S100Z: variants seen among roughly 807,000 people sequenced by gnomAD.
S100Z encodes the protein S100 calcium binding protein Z.
A neutral mutation model predicts 8.5 loss-of-function variants in S100Z; 11 were observed. The observed-to-expected ratio is 1.30, with a 90% CI of 0.82 to 2.15. The LOEUF (loss-of-function observed/expected upper bound fraction) is 2.15, where lower values mean the gene tolerates loss of function less well. Among genes scored for constraint, S100Z ranks in the 30% most tolerant of loss-of-function variants. S100Z has a pLI of 0.00. For missense variants in S100Z, 126 were observed against 117.9 expected (o/e 1.07, Z -0.32); for synonymous variants, 34 against 43.8 (o/e 0.78, Z 0.89).
At chr5:76,892,460 T>C (rs898601493) in intron 4 of S100Z, among the ~76,000 whole-genome samples, 1 of 152,164 alleles carries the variant, frequency 6.6e-6, no homozygotes, top group Non-Finnish European at 1.5e-5. Context: ...AGAACATTTA[T>C]TATGATGGTG....
intron 1 of S100Z, among the ~76,000 whole-genome samples, chr5:76,852,866 T>C (rs1382541601): frequency 6.6e-6 from 1 of 152,224 alleles, no homozygotes; most frequent in Non-Finnish European, 1.5e-5. Context: ...AAAAAGAGGA[T>C]ACATTATCTG....
intron 4 of S100Z, among the ~76,000 whole-genome samples, chr5:76,914,626 G>A (rs1027289638): frequency 1.3e-5 from 2 of 152,060 alleles, no homozygotes; most frequent in Non-Finnish European, 2.9e-5. Flanking sequence ...AAGGTCTGCA[G>A]CTTCACTCCT....
chr5:76,893,380 C>CA (rs1743932236), intron 4 of S100Z, among the ~76,000 whole-genome samples: 1 of 151,992 alleles, frequency 6.6e-6, no homozygotes, highest in Admixed American at 6.6e-5. Flanking sequence ...CTCCACTCTA[C>CA]AAAAAATACA....
At chr5:76,910,464 A>G (rs1435460566) in intron 4 of S100Z, among the ~76,000 whole-genome samples, 1 of 152,164 alleles carries the variant, frequency 6.6e-6, no homozygotes, top group Non-Finnish European at 1.5e-5. Context: ...ACAAACCTTC[A>G]TGGTTCAGAG....
rs1028752944 is a variant in S100Z, at chr5:76,859,699, T to G, written c.-176+9544T>G. Among the ~76,000 whole-genome samples, 81 of 144,846 alleles carry G rather than the reference T, an allele frequency of 5.6e-4. 3 individuals are homozygous for G. Among genetic ancestry groups the G allele is most frequent in the Non-Finnish European group, 3.9e-4 (26 of 67,088 alleles). ...TGGAAGGCTGAGGCAGAAGAATCGCTTGAACCCGGAAGTGGAGGTTGTAGT... is the reference window on the plus strand; with the variant it reads ...TGGAAGGCTGAGGCAGAAGAATCGCGTGAACCCGGAAGTGGAGGTTGTAGT... On this transcript the variant is annotated intron_variant, in intron 1 of 4. Transcript: ENST00000317593.
intron 4 of S100Z, among the ~76,000 whole-genome samples, chr5:76,901,525 G>A (rs751893780): frequency 2.6e-5 from 4 of 152,264 alleles, no homozygotes; most frequent in South Asian, 4.1e-4. Context: ...TCACAAGTAC[G>A]GCCAGACTAC....
intron 4 of S100Z, among the ~76,000 whole-genome samples, chr5:76,889,811 C>T (rs948618004): frequency 2.6e-5 from 4 of 152,210 alleles, no homozygotes; most frequent in Admixed American, 2.0e-4. Context: ...CTGGCCTTTG[C>T]ATTTGCTGGA....
chr5:76,862,534 C>G (rs1203280098), intron 1 of S100Z, among the ~76,000 whole-genome samples: 1 of 152,114 alleles, frequency 6.6e-6, no homozygotes, highest in Non-Finnish European at 1.5e-5. Flanking sequence ...TGCGGTGGCT[C>G]ACGCCTGTAA....
intron 1 of S100Z, among the ~76,000 whole-genome samples, chr5:76,851,935 T>C (rs954981503): frequency 1.3e-5 from 2 of 152,214 alleles, no homozygotes; most frequent in Non-Finnish European, 1.5e-5. Flanking sequence ...CTGAATTTCC[T>C]GTTTGAGTTG....
At chr5:76,865,380 G>A (rs1188280507) in intron 1 of S100Z, among the ~76,000 whole-genome samples, 2 of 151,716 alleles carry the variant, frequency 1.3e-5, no homozygotes, top group Non-Finnish European at 2.9e-5. Flanking sequence ...GAGTAGCTGG[G>A]ATTACAGGTG....
At chr5:76,882,433 T>C (rs1185434538) in intron 4 of S100Z, among the ~76,000 whole-genome samples, 6 of 152,152 alleles carry the variant, frequency 3.9e-5, no homozygotes, top group Non-Finnish European at 7.4e-5. Flanking sequence ...GGGCAGCTTC[T>C]AGGGCTGTTT....
intron 1 of S100Z, among the ~76,000 whole-genome samples, chr5:76,862,661 G>A (rs1159904632): frequency 6.6e-6 from 1 of 152,088 alleles, no homozygotes; most frequent in Admixed American, 6.6e-5. Context: ...AATTAGCTGG[G>A]CACGGTGGCG....
intron 1 of S100Z, among the ~76,000 whole-genome samples, chr5:76,856,503 CCTT>C (rs1490947422): frequency 6.6e-6 from 1 of 152,188 alleles, no homozygotes; most frequent in African/African-American, 2.4e-5. Flanking sequence ...CCCGGCCTAA[CCTT>C]CTTTTCTTAC....
intron 4 of S100Z, among the ~76,000 whole-genome samples, chr5:76,883,921 T>G (rs1218723970): frequency 6.6e-6 from 1 of 152,174 alleles, no homozygotes; most frequent in Non-Finnish European, 1.5e-5. Context: ...TCTTGTGTGC[T>G]GGAGATGTGG....
chr5:76,863,823 C>A (rs1410653875), intron 1 of S100Z, among the ~76,000 whole-genome samples: 4 of 152,314 alleles, frequency 2.6e-5, no homozygotes, highest in African/African-American at 7.2e-5. Context: ...CAGGTGTGAG[C>A]CACTGCGCCC....
intron 1 of S100Z, among the ~76,000 whole-genome samples, chr5:76,863,771 C>T (rs983588649): frequency 3.3e-5 from 5 of 152,090 alleles, no homozygotes; most frequent in Admixed American, 2.0e-4. Flanking sequence ...ATCTCCTGAC[C>T]TTGTGATCCA....
At chr5:76,930,511 G>A in the S100Z span, among the ~76,000 whole-genome samples, 2 of 152,116 alleles carry the variant, frequency 1.3e-5, no homozygotes, top group African/African-American at 2.4e-5. Context: ...TGGGTTTCAG[G>A]ACCACAAAGC....
intron 3 of S100Z, 66 bp downstream of exon 3, chr5:76,875,566 C>T: frequency 7.0e-7 from 1 of 1,431,096 alleles, no homozygotes; most frequent in Non-Finnish European, 9.5e-7. Flanking sequence ...TCCAGGACAG[C>T]CTTTGGGTTC....
chr5:76,869,220 T>A (rs1302288544), intron 1 of S100Z, among the ~76,000 whole-genome samples: 1 of 151,614 alleles, frequency 6.6e-6, no homozygotes, highest in Non-Finnish European at 1.5e-5. Context: ...ATTCAAAGTG[T>A]GGAGGGTGGG....
Sources: gnomAD v4.1 joint callset for allele counts (sites outside exome capture counted in the v4.1 genomes callset) on GRCh38, gnomAD v4.1.1 for gene constraint, MANE v1.5 for transcripts, NCBI Gene and HGNC (gene_info 2026-07-23, HGNC 2026-07-21) for gene names.